ZBTB11: variants seen among roughly 807,000 people sequenced by gnomAD.
ZBTB11 encodes zinc finger and BTB domain-containing protein 11.
A neutral mutation model predicts 113.1 loss-of-function variants in ZBTB11; 68 were observed. That is an observed-to-expected ratio of 0.60 (90% CI 0.49 to 0.74). The LOEUF (loss-of-function observed/expected upper bound fraction) is 0.74, where lower values mean the gene tolerates loss of function less well. Ranked by LOEUF, ZBTB11 falls within the 30% of genes least tolerant of loss-of-function variation. The probability of loss-of-function intolerance (pLI) is 0.00; values close to 1 mark genes in which losing one functional copy is unlikely to be tolerated. For missense variants in ZBTB11, 1,104 were observed against 1,279.4 expected, an observed-to-expected ratio of 0.86 and a Z score of 2.09; for synonymous variants, 518 against 452.6, an observed-to-expected ratio of 1.14 and a Z score of -1.83.
intron 1 of ZBTB11, among the ~76,000 whole-genome samples, chr3:101,673,223 G>C (rs1419230124): frequency 1.3e-5 from 2 of 152,144 alleles, no homozygotes; most frequent in East Asian, 3.9e-4. Flanking sequence ...ATCCTTGTAA[G>C]AGAACAATTA....
At chr3:101,669,011 C>T (rs1310297883) in intron 3 of ZBTB11, among the ~76,000 whole-genome samples, 1 of 151,218 alleles carries the variant, frequency 6.6e-6, no homozygotes, top group Non-Finnish European at 1.5e-5. Context: ...ACTAAGATAC[C>T]GTAAATGACA....
At chr3:101,658,826 A>G (rs1936841376) in intron 6 of ZBTB11, among the ~76,000 whole-genome samples, 1 of 152,188 alleles carries the variant, frequency 6.6e-6, no homozygotes, top group South Asian at 2.1e-4. Flanking sequence ...GTACACCAAA[A>G]TTTGGAAAAC....
At chr3:101,676,037 C>T (rs1327103229) in intron 1 of ZBTB11, among the ~76,000 whole-genome samples, 2 of 152,244 alleles carry the variant, frequency 1.3e-5, no homozygotes, top group African/African-American at 4.8e-5. Context: ...TCAATCACTC[C>T]TTATCACTTC....
chr3:101,665,574 C>A lies in ZBTB11; in HGVS notation c.1013G>T (p.Gly338Val). Residue 338 changes from glycine (G) to valine (V), a missense_variant, in exon 4 of 11, where the codon GGA (glycine) becomes GTA (valine). Coordinates refer to ENST00000312938, the MANE Select transcript of ZBTB11 (RefSeq NM_014415.4). ...GCTAGCAACAGGAGGTGCTGTACCT[C>A]CATTCTGTACTCGTAAGTCCTGGGT... Reference protein sequence around the residue: ...ASTQDLRVQNGGTAPPVASSE... With the variant: ...ASTQDLRVQNVGTAPPVASSE... 6.2e-7 allele frequency: 1 copy of A among 1,614,206 alleles called. No homozygotes were observed.
intron 2 of ZBTB11, chr3:101,671,648 C>T: frequency 1.7e-6 from 1 of 576,902 alleles, no homozygotes; most frequent in Non-Finnish European, 3.0e-6. Flanking sequence ...AAAACAAAGA[C>T]CTGGCCAGAT....
chr3:101,676,763 C>A lies in ZBTB11; in HGVS notation c.152G>T (p.Arg51Leu). The A allele has an allele frequency of 6.2e-7, 1 of 1,609,248 alleles. No homozygotes were observed. The highest frequency in any genetic ancestry group is 8.5e-7 in the Non-Finnish European group (1 of 1,178,034). ...GAAGGTCTTGCGGTGCCGCTGCCGC[C>A]GCTGGTAATACAGAGTCCCGCCGCG... ...VVRGGTLYYQ[R>L]RQRHRKTFAE... The change falls in exon 1 of 11, where the codon CGG (arginine) becomes CTG (leucine). Residue 51 changes from arginine (R) to leucine (L), a missense_variant. By Grantham distance (102) the Arg-to-Leu change is moderately radical. Coordinates refer to ENST00000312938, the MANE Select transcript of ZBTB11 (RefSeq NM_014415.4).
chr3:101,653,850 CT>C (rs1936747647), intron 8 of ZBTB11, among the ~76,000 whole-genome samples: 1 of 152,106 alleles, frequency 6.6e-6, no homozygotes, highest in Admixed American at 6.5e-5. Context: ...TGATGTACCC[CT>C]GAACCTAAAA....
intron 3 of ZBTB11, among the ~76,000 whole-genome samples, chr3:101,670,376 C>A (rs931902625): frequency 2.0e-5 from 3 of 152,088 alleles, no homozygotes; most frequent in Admixed American, 1.3e-4. Context: ...TATAATTCTT[C>A]CTAAATTTTC....
chr3:101,654,043 CTTTT>C (rs112555052), intron 8 of ZBTB11, among the ~76,000 whole-genome samples: 10 of 144,798 alleles, frequency 6.9e-5, no homozygotes, highest in African/African-American at 2.3e-4. Context: ...CCTAAAATGA[CTTTT>C]TTTTTTTTTT....
At position 101,665,700 on chromosome 3, in the gene ZBTB11, A is replaced by C. The variant is rs1936986186; in HGVS notation, c.887T>G (p.Phe296Cys). The change falls in exon 4 of 11, where the codon TTC (phenylalanine) becomes TGC (cysteine). Residue 296 changes from phenylalanine (F) to cysteine (C), a missense_variant. Physicochemically the swap from Phe to Cys is radical, Grantham distance 205 (BLOSUM62 -2). Transcript: ENST00000312938. Reference sequence around the variant, plus strand: ...ACAAATCTCTAAGACTTCTGACATGAAAAGATGACGAGCTAAGATGGCTAC... The same window carrying C: ...ACAAATCTCTAAGACTTCTGACATGCAAAGATGACGAGCTAAGATGGCTAC... Reference protein sequence around the residue: ...ADVAILARHLFMSEVLEICES... With the variant: ...ADVAILARHLCMSEVLEICES... 6.2e-7 allele frequency: 1 copy of C among 1,614,116 alleles called. No individual in the cohort carries two copies.
chr3:101,676,358 C>G (rs985373238), intron 1 of ZBTB11: 1 of 386,990 alleles, frequency 2.6e-6, no homozygotes, highest in Admixed American at 4.6e-5. Flanking sequence ...GCGGCTGGCC[C>G]GGCCTCCGGG....
In ZBTB11 at chr3:101,650,958, A is replaced by C. The variant is rs1318545648; in HGVS notation, c.*208T>G. 1.4e-5 allele frequency: 6 copies of C among 442,452 alleles called. No individual in the cohort carries two copies. The highest frequency in any genetic ancestry group is 5.2e-5 in the South Asian group (1 of 19,342). 27.4% of individuals were successfully genotyped at this position (442,452 alleles called of 1,614,324 possible). ...GGTGCAAAAGCAATTGCACCAACCT[A>C]ATAGATCTGTTTTCAATTTCTCTAC... On this transcript the variant is annotated 3_prime_UTR_variant, in exon 11 of 11. Coordinates refer to ENST00000312938, the MANE Select transcript of ZBTB11 (RefSeq NM_014415.4).
Position 101,651,098 on chromosome 3 carries a change from T to C in ZBTB11, c.*68A>G. On this transcript the variant is annotated 3_prime_UTR_variant, in exon 11 of 11. Coordinates refer to ENST00000312938, the MANE Select transcript of ZBTB11 (RefSeq NM_014415.4). ...ACTCCAAGCAGACAGTCACACAGAA[T>C]TGTAAACAAATGTTCTGTGAGTTCA... 1.4e-6 allele frequency: 2 copies of C among 1,472,826 alleles called. No individual in the cohort carries two copies. The highest frequency in any genetic ancestry group is 2.4e-5 in the Admixed American group (1 of 42,280). The allele number at this position is 1,472,826 out of a possible 1,614,324, so 91.2% of individuals were successfully genotyped here.
chr3:101,676,910 G>C lies in ZBTB11; in HGVS notation c.5C>G (p.Ser2Ter). The C allele has an allele frequency of 6.4e-7, 1 of 1,565,082 alleles. No individual in the cohort carries two copies. The highest frequency in any genetic ancestry group is 1.7e-4 in the Middle Eastern group (1 of 5,850). The change falls in exon 1 of 11, where the codon TCA (serine) becomes TGA (stop). Residue 2 changes from serine to a stop codon, truncating the protein, a stop_gained. Transcript: ENST00000312938. LOFTEE classifies it high-confidence loss of function. M[S>*]SEESYRAILR... ...GATGGCCCGGTAGCTTTCCTCGCTT[G>C]ACATCGCGGACCGCGGCTCCCTGAG...
chr3:101,672,301 A>T (rs1424339011), intron 1 of ZBTB11, 88 bp from the exon 2 acceptor site: 1 of 850,992 alleles, frequency 1.2e-6, no homozygotes, highest in East Asian at 2.6e-5. Context: ...AACACATTTC[A>T]GTACATATGT....
chr3:101,671,436 C>T, intron 2 of ZBTB11, 75 bp from the exon 3 acceptor site: 2 of 1,028,460 alleles, frequency 1.9e-6, no homozygotes, highest in South Asian at 2.8e-5. Flanking sequence ...TAAAACAAGA[C>T]ACATTACATA....
chr3:101,655,075 A>G (rs1936772470), intron 7 of ZBTB11, among the ~76,000 whole-genome samples: 1 of 152,026 alleles, frequency 6.6e-6, no homozygotes, highest in Non-Finnish European at 1.5e-5. Flanking sequence ...GACGGGTTTC[A>G]CCATGTTAGC....
Position 101,665,140 on chromosome 3 carries a change from C to A in ZBTB11, c.1447G>T (p.Asp483Tyr), listed in dbSNP as rs368138724. The A allele has an allele frequency of 1.2e-6, 2 of 1,614,048 alleles. No individual in the cohort carries two copies. The highest frequency in any genetic ancestry group is 1.7e-5 in the Admixed American group (1 of 60,000). The change falls in exon 4 of 11, where the codon GAT (aspartate) becomes TAT (tyrosine). Residue 483 changes from aspartate to tyrosine, a missense_variant. This residue lies in a region of ZBTB11 where 535 missense variants were observed against 518.6 expected (regional missense o/e 1.03). Coordinates refer to ENST00000312938, the MANE Select transcript of ZBTB11 (RefSeq NM_014415.4). ...HRQKVDQPLK[D>Y]QENLVASTAK... ...GTTGATGCAACTAGATTTTCCTGAT[C>A]TTTTAAAGGTTGGTCAACTTTCTGC...
At chr3:101,668,889 GT>G (rs1048151959) in intron 3 of ZBTB11, among the ~76,000 whole-genome samples, 5 of 146,098 alleles carry the variant, frequency 3.4e-5, no homozygotes, top group Non-Finnish European at 6.1e-5. Context: ...GGCAAATTTT[GT>G]TTTTTTTTTA....
Sources: allele counts gnomAD v4.1 joint callset (sites outside exome capture counted in the v4.1 genomes callset), GRCh38; gene constraint gnomAD v4.1.1; regional missense constraint gnomAD v4.1.1; transcripts MANE v1.5; gene names NCBI Gene and HGNC (gene_info 2026-07-23, HGNC 2026-07-21).